DROSHA: variants seen among roughly 807,000 people sequenced by gnomAD.
DROSHA encodes the protein ribonuclease 3.
DROSHA carries 56 observed loss-of-function variants against 181.9 expected under a neutral mutation model. The ratio of observed to expected loss-of-function variants is 0.31; its 90% confidence interval spans 0.25 to 0.38. DROSHA has a LOEUF of 0.38. DROSHA is among the 10% of genes least tolerant of loss of function. The pLI is 1.00. For synonymous variants in DROSHA, 524 were observed against 591.2 expected (o/e 0.89, Z 1.65); for missense variants, 1,218 against 1,743.5 (o/e 0.70, Z 5.37).
Position 31,510,713 on chromosome 5 carries a change from C to T in DROSHA, c.1432+322G>A, listed in dbSNP as rs150087624. Among the ~76,000 whole-genome samples the T allele has an allele frequency of 4.8e-3, 738 of 152,316 alleles. 5 individuals carry two copies. The highest frequency in any genetic ancestry group is 7.6e-3 in the Non-Finnish European group (517 of 68,028). ...CAAAGGAGAGGGCCAAGGAAGGACA[C>T]CTGTCCTCATGAGAGGCAGGGGGCA... is the stretch of plus-strand genomic sequence containing the variant. On this transcript the variant is annotated intron_variant, in intron 9 of 35. Coordinates refer to ENST00000344624, the MANE Select transcript of DROSHA (RefSeq NM_001382508.1).
rs68049196 is a variant in DROSHA at position 31,514,228 on chromosome 5, AACACACACACACACAC to A, written c.1290+744_1290+759del. Reference sequence around the variant, plus strand: ...CTTCCTTATTTTTCATTTTGGAGAAAACACACACACACACACACACACACACACACACATACACATA... The same window carrying A: ...CTTCCTTATTTTTCATTTTGGAGAAAACACACACACACACACATACACATA... On this transcript the variant is annotated intron_variant, in intron 8 of 35. Coordinates refer to ENST00000344624, the MANE Select transcript of DROSHA (RefSeq NM_001382508.1). The surrounding 1 kb of genome is among the most constrained non-coding windows in gnomAD (Gnocchi z 4.4). Among the ~76,000 whole-genome samples, 4 of 148,418 alleles carry A rather than the reference AACACACACACACACAC, an allele frequency of 2.7e-5. No individual in the cohort carries two copies. The highest frequency in any genetic ancestry group is 7.5e-5 in the African/African-American group (3 of 40,118).
At chr5:31,495,476 T>C in intron 11 of DROSHA, 104 bp from the exon 12 acceptor site, 1 of 1,060,834 alleles carries the variant, frequency 9.4e-7, no homozygotes, top group African/African-American at 1.6e-5. Flanking sequence ...ACAGGTTTTA[T>C]GTCTGTTCCT....
chr5:31,402,801 T>A (rs557288533), intron 35 of DROSHA, among the ~76,000 whole-genome samples: 4 of 152,282 alleles, frequency 2.6e-5, no homozygotes, highest in East Asian at 1.9e-4. Flanking sequence ...TTTATTTATT[T>A]ATTATTTATT....
At chr5:31,510,193 T>C (rs972269814) in intron 9 of DROSHA, among the ~76,000 whole-genome samples, 5 of 152,168 alleles carry the variant, frequency 3.3e-5, no homozygotes, top group African/African-American at 9.7e-5. Flanking sequence ...AAATCCAACA[T>C]GGAGTTGTAT....
intron 8 of DROSHA, among the ~76,000 whole-genome samples, chr5:31,513,767 T>C (rs1286534995): frequency 1.3e-5 from 2 of 152,012 alleles, no homozygotes; most frequent in Admixed American, 6.5e-5. Flanking sequence ...ATCTGCAACT[T>C]TTCATGCCCG....
At chr5:31,518,894 G>A (rs978355186) in intron 6 of DROSHA, among the ~76,000 whole-genome samples, 2 of 152,190 alleles carry the variant, frequency 1.3e-5, no homozygotes, top group Admixed American at 1.3e-4. Context: ...AGCAGGCGTT[G>A]TGAATGATGT....
At chr5:31,446,856 A>G (rs1746367873) in intron 23 of DROSHA, among the ~76,000 whole-genome samples, 2 of 152,180 alleles carry the variant, frequency 1.3e-5, no homozygotes, top group African/African-American at 2.4e-5. Context: ...CCTGGCCAAC[A>G]TGGCGAAACC....
intron 6 of DROSHA, among the ~76,000 whole-genome samples, chr5:31,516,727 C>CT (rs1739311811): frequency 1.3e-5 from 2 of 152,150 alleles, no homozygotes; most frequent in Non-Finnish European, 2.9e-5. Context: ...ATGTTATAGC[C>CT]TGACCTTCTC....
Position 31,530,917 on chromosome 5 carries a change from A to G in DROSHA, c.-166T>C, listed in dbSNP as rs138408784. ...TTCTGTATCCTTCACATCCCCGGGAAAAGCAACCTACACACAGTAGGTGGT... is the reference window on the plus strand; with the variant it reads ...TTCTGTATCCTTCACATCCCCGGGAGAAGCAACCTACACACAGTAGGTGGT... On this transcript the variant is annotated 5_prime_UTR_variant, in exon 3 of 36. Transcript: ENST00000344624. 1 of 398,560 alleles carries G rather than the reference A, an allele frequency of 2.5e-6. No homozygotes were observed. Among genetic ancestry groups the G allele is most frequent in the Non-Finnish European group, 4.4e-6 (1 of 226,028 alleles). 24.7% of individuals were successfully genotyped at this position (398,560 alleles called of 1,614,324 possible).
At chr5:31,511,005 G>A (rs775834855) in intron 9 of DROSHA, 30 bp downstream of exon 9, 3 of 1,612,744 alleles carry the variant, frequency 1.9e-6, no homozygotes, top group East Asian at 2.2e-5. Flanking sequence ...AATCGCAAGG[G>A]TCTCAGGCTA....
intron 4 of DROSHA, among the ~76,000 whole-genome samples, chr5:31,528,778 A>G (rs1049504900): frequency 6.6e-6 from 1 of 152,168 alleles, no homozygotes; most frequent in Non-Finnish European, 1.5e-5. Flanking sequence ...CTAAGGACCT[A>G]ATTCCACCTT....
At chr5:31,406,275 A>T (rs1409883945) in intron 34 of DROSHA, among the ~76,000 whole-genome samples, 3 of 152,108 alleles carry the variant, frequency 2.0e-5, no homozygotes, top group Middle Eastern at 3.4e-3. Flanking sequence ...TGGGAGGCTG[A>T]GGGGGGGTTG....
chr5:31,449,209 A>G, intron 22 of DROSHA, 72 bp downstream of exon 22: 2 of 1,576,804 alleles, frequency 1.3e-6, no homozygotes, highest in Non-Finnish European at 1.7e-6. Flanking sequence ...CCATTCCTAG[A>G]GGCGAAATAA....
chr5:31,402,943 C>T (rs111491761), intron 35 of DROSHA, among the ~76,000 whole-genome samples: 63 of 152,290 alleles, frequency 4.1e-4, no homozygotes, highest in African/African-American at 1.4e-3. Flanking sequence ...CCACCACAAC[C>T]GGCTAATTTT....
At chr5:31,486,466 AAC>A (rs1285209217) in intron 14 of DROSHA, 23 bp downstream of exon 14, 1 of 1,608,474 alleles carries the variant, frequency 6.2e-7, no homozygotes. Flanking sequence ...AACTACATCA[AAC>A]CACACACAAT....
In DROSHA at chr5:31,406,914, G is replaced by A. The variant is rs1174002360; in HGVS notation, c.3886C>T (p.Arg1296Ter). ...AAATAAACAGCCACAGTGTAGGTTC[G>A]GGCATGGGATGGGCCCACTGTCTGC... ...TLQTVGPSHARTYTVAVYFKG... is the reference protein window; with the variant it reads ...TLQTVGPSHA Residue 1296 changes from arginine to a stop codon, truncating the protein, a stop_gained, in exon 34 of 36, where the codon CGA becomes TGA. Coordinates refer to ENST00000344624, the MANE Select transcript of DROSHA (RefSeq NM_001382508.1). LOFTEE classifies it high-confidence loss of function. 6 of 1,613,304 alleles carry A rather than the reference G, an allele frequency of 3.7e-6. No individual in the cohort carries two copies. The highest frequency in any genetic ancestry group is 1.7e-5 in the Admixed American group (1 of 59,954).
Position 31,466,144 on chromosome 5 carries a change from T to A in DROSHA, c.2466+38A>T, listed in dbSNP as rs1473670218. On this transcript the variant is annotated intron_variant, in intron 19 of 35. Transcript: ENST00000344624. The stretch of plus-strand genomic sequence containing the variant: ...AATCACGAAATAAACCTGAAGCACA[T>A]CATCGTTAATCACCAAGGAATGGAG... 1.9e-6 allele frequency: 3 copies of A among 1,587,462 alleles called. No homozygotes were observed. In the East Asian group the frequency reaches 6.7e-5, roughly 36 times the overall value.
intron 23 of DROSHA, among the ~76,000 whole-genome samples, chr5:31,442,873 C>T (rs1745762662): frequency 6.6e-6 from 1 of 151,906 alleles, no homozygotes; most frequent in African/African-American, 2.4e-5. Flanking sequence ...CAGTAGATCT[C>T]AGATCTACTG....
intron 19 of DROSHA, among the ~76,000 whole-genome samples, chr5:31,464,971 C>T (rs1246113385): frequency 6.6e-6 from 1 of 152,078 alleles, no homozygotes; most frequent in African/African-American, 2.4e-5. Flanking sequence ...CACCCCCACC[C>T]CCACTATTGA....
Sources: allele counts gnomAD v4.1 joint callset (sites outside exome capture counted in the v4.1 genomes callset), GRCh38; gene constraint gnomAD v4.1.1; non-coding constraint Gnocchi (gnomAD v3.1); transcripts MANE v1.5; gene names NCBI Gene and HGNC (gene_info 2026-07-23, HGNC 2026-07-21).